LCN15: variants seen among roughly 807,000 people sequenced by gnomAD.
LCN15 encodes lipocalin-15.
In LCN15, 26 loss-of-function variants were observed where a neutral mutation model predicts 23.1. That is an observed-to-expected ratio of 1.13 (90% CI 0.82 to 1.56). The LOEUF is 1.56. Among genes scored for constraint, LCN15 ranks in the 40% most tolerant of loss-of-function variants. The pLI, the probability that LCN15 is intolerant of heterozygous loss-of-function variation, is 0.00. For synonymous variants in LCN15, 107 were observed against 98.3 expected (o/e 1.09, Z -0.52); for missense variants, 241 against 239.5 (o/e 1.01, Z -0.04).
rs767465971 is a variant in LCN15 at position 136,763,670 on chromosome 9, AG to A, written c.307+42del. 26 of 1,600,166 alleles carry A rather than the reference AG, an allele frequency of 1.6e-5. No homozygotes were observed. In the East Asian group the frequency reaches 5.6e-4, roughly 34 times the overall value. On this transcript the variant is annotated intron_variant, in intron 3 of 6. Coordinates refer to ENST00000316144, the MANE Select transcript of LCN15 (RefSeq NM_203347.2). The stretch of plus-strand genomic sequence containing the variant: ...GTCAGCCCCACGTCACCCCCAGAGA[AG>A]CGGCATCCAGCACCCCTGAAGGCAG...
rs1847316719 is a variant in LCN15, at chr9:136,761,538, G to C, written c.*32+249C>G. Reference sequence around the variant, plus strand: ...GGCCTCCCAAAGTGCTGGGATGATAGGCATGAGCCACTGCACCCGGCCAAA... The same window carrying C: ...GGCCTCCCAAAGTGCTGGGATGATACGCATGAGCCACTGCACCCGGCCAAA... On this transcript the variant is annotated intron_variant, in intron 6 of 6. Coordinates refer to ENST00000316144, the MANE Select transcript of LCN15 (RefSeq NM_203347.2). The surrounding 1 kb of genome is among the most constrained non-coding windows in gnomAD (Gnocchi z 4.2). Among the ~76,000 whole-genome samples the C allele has an allele frequency of 6.6e-6, 1 of 152,218 alleles. No individual in the cohort carries two copies. The highest frequency in any genetic ancestry group is 6.5e-5 in the Admixed American group (1 of 15,280).
At chr9:136,764,358 C>T (rs1249040576) in intron 1 of LCN15, 35 bp downstream of exon 1, 1 of 1,574,776 alleles carries the variant, frequency 6.4e-7, no homozygotes, top group Non-Finnish European at 8.7e-7. Context: ...GGGCCCAGCT[C>T]CCACCCACCA....
chr9:136,761,846 G>T lies in LCN15; in HGVS notation c.528C>A (p.Cys176Ter). 1.5e-6 allele frequency: 2 copies of T among 1,324,866 alleles called. No homozygotes were observed. The allele number at this position is 1,324,866 out of a possible 1,614,324, so 82.1% of individuals were successfully genotyped here. A position where few individuals can be genotyped will look rare whatever the true frequency, so the allele number is the denominator to read the frequency against. The change falls in exon 6 of 7, where the codon TGC becomes TGA. Residue 176 changes from cysteine (C) to a stop codon, truncating the protein, a stop_gained. Transcript: ENST00000316144. LOFTEE classifies it high-confidence loss of function. This position sits in a 1 kb window ranked among gnomAD's most constrained non-coding sequence, Gnocchi z 4.2. ...AGGGCGCCTCCTTGCTCTCAGGGTTGCATGCATCTGTGGGGAGGAAGACAT... is the reference window on the plus strand; with the variant it reads ...AGGGCGCCTCCTTGCTCTCAGGGTTTCATGCATCTGTGGGGAGGAAGACAT... The part of the protein sequence containing the change: ...MMVMLPQSDA[C>*]NPESKEAP
At chr9:136,760,862 G>A (rs1184827361) in intron 6 of LCN15, among the ~76,000 whole-genome samples, 1 of 152,232 alleles carries the variant, frequency 6.6e-6, no homozygotes, top group Non-Finnish European at 1.5e-5. Context: ...AGGCCCACCT[G>A]GAACCTCCGA....
intron 3 of LCN15, 120 bp from the exon 4 acceptor site, chr9:136,763,587 CG>C (rs1205150503): frequency 2.1e-6 from 2 of 937,146 alleles, no homozygotes; most frequent in Non-Finnish European, 3.0e-6. Flanking sequence ...AGAGGAGGGG[CG>C]GGGAGGGCGG....
rs2131098578 is a variant in LCN15 at position 136,761,323 on chromosome 9, C to T, written c.*32+464G>A. On this transcript the variant is annotated intron_variant, in intron 6 of 6. Transcript: ENST00000316144. The surrounding 1 kb of genome is among the most constrained non-coding windows in gnomAD (Gnocchi z 4.2). ...TCACCCAGGCTGGACTGTAATGGTG[C>T]AATCTCGGCTCACCGCAACCTCCGC... is the stretch of plus-strand genomic sequence containing the variant. Among the ~76,000 whole-genome samples the T allele has an allele frequency of 6.6e-6, 1 of 152,306 alleles. No individual in the cohort carries two copies. The highest frequency in any genetic ancestry group is 2.1e-4 in the South Asian group (1 of 4,826).
At chr9:136,763,227 A>C (rs1270090529) in intron 4 of LCN15, 130 bp downstream of exon 4, 2 of 373,752 alleles carry the variant, frequency 5.4e-6, no homozygotes, top group African/African-American at 8.3e-5. Flanking sequence ...CGGGGGGCGG[A>C]GGGGTGAGGG....
At chr9:136,762,416 G>A (rs1847330213) in intron 4 of LCN15, 127 bp from the exon 5 acceptor site, 7 of 652,398 alleles carry the variant, frequency 1.1e-5, no homozygotes, top group Admixed American at 3.0e-5. Context: ...CAGGTTGTGC[G>A]CGGCATAAAG....
intron 4 of LCN15, 112 bp downstream of exon 4, chr9:136,763,245 T>G: frequency 1.1e-5 from 6 of 535,810 alleles, no homozygotes; most frequent in Non-Finnish European, 1.9e-5. Flanking sequence ...GGGCGGGGCC[T>G]GTGAGGAGGC....
chr9:136,762,205 A>G lies in LCN15; in HGVS notation c.503T>C (p.Val168Ala). The G allele has an allele frequency of 6.3e-7, 1 of 1,592,792 alleles. No homozygotes were observed. Among genetic ancestry groups the G allele is most frequent in the Non-Finnish European group, 8.5e-7 (1 of 1,170,472 alleles). ...PTLGLPKDMM[V>A]MLPQSDACNP... The stretch of plus-strand genomic sequence containing the variant: ...CAGGGTACCTGACTGGGGCAGCATG[A>G]CCATCATGTCCTTGGGGAGCCCCAG... The change falls in exon 5 of 7, where the codon GTC becomes GCC. Residue 168 changes from valine to alanine, a missense_variant. Coordinates refer to ENST00000316144, the MANE Select transcript of LCN15 (RefSeq NM_203347.2).
rs572666789 is a variant in LCN15 at position 136,761,857 on chromosome 9, T to C, written c.521-4A>G. On this transcript the variant is annotated splice_region_variant and splice_polypyrimidine_tract_variant and intron_variant, in intron 5 of 6. Coordinates refer to ENST00000316144, the MANE Select transcript of LCN15 (RefSeq NM_203347.2). The surrounding 1 kb of genome is among the most constrained non-coding windows in gnomAD (Gnocchi z 4.2). ...TTGCTCTCAGGGTTGCATGCATCTG[T>C]GGGGAGGAAGACATCCGTGAGATGC... 8.7e-5 allele frequency: 116 copies of C among 1,333,176 alleles called. 1 individual carries two copies. The East Asian group carries it at 3.3e-3, about 37-fold the overall frequency. 82.6% of individuals were successfully genotyped at this position (1,333,176 alleles called of 1,614,324 possible). A position where few individuals can be genotyped will look rare whatever the true frequency, so the allele number is the denominator to read the frequency against.
At chr9:136,762,128 G>A in intron 5 of LCN15, 60 bp downstream of exon 5, 1 of 1,058,154 alleles carries the variant, frequency 9.5e-7, no homozygotes, top group Non-Finnish European at 1.4e-6. Flanking sequence ...GGAAGGGTGG[G>A]CTCATGGGAA....
In LCN15 at chr9:136,761,870, A is replaced by G. The variant is rs1386172151; in HGVS notation, c.521-17T>C. Reference sequence around the variant, plus strand: ...TGCATGCATCTGTGGGGAGGAAGACATCCGTGAGATGCTGACGGCCAGGAC... The same window carrying G: ...TGCATGCATCTGTGGGGAGGAAGACGTCCGTGAGATGCTGACGGCCAGGAC... On this transcript the variant is annotated splice_polypyrimidine_tract_variant and intron_variant, in intron 5 of 6. Transcript: ENST00000316144. This position sits in a 1 kb window ranked among gnomAD's most constrained non-coding sequence, Gnocchi z 4.2. 6.0e-5 allele frequency: 80 copies of G among 1,335,540 alleles called. No homozygotes were observed. The highest frequency in any genetic ancestry group is 7.6e-5 in the Non-Finnish European group (79 of 1,042,112). The allele number at this position is 1,335,540 out of a possible 1,614,324, so 82.7% of individuals were successfully genotyped here.
intron 4 of LCN15, among the ~76,000 whole-genome samples, chr9:136,762,577 G>A (rs531895371): frequency 2.0e-3 from 302 of 152,180 alleles, no homozygotes; most frequent in African/African-American, 7.1e-3. Context: ...TCACTCTGTC[G>A]GCTCCAATCG....
At chr9:136,760,090 G>A (rs1374922637) in intron 6 of LCN15, among the ~76,000 whole-genome samples, 1 of 152,218 alleles carries the variant, frequency 6.6e-6, no homozygotes, top group Non-Finnish European at 1.5e-5. Flanking sequence ...CCTGGTCCTC[G>A]GTGAAGGGGG....
At chr9:136,763,618 G>T in intron 3 of LCN15, 95 bp downstream of exon 3, 1 of 1,429,850 alleles carries the variant, frequency 7.0e-7, no homozygotes. Flanking sequence ...TGGAGACTGG[G>T]ATGGACAGCT....
At chr9:136,763,301 G>A in intron 4 of LCN15, 56 bp downstream of exon 4, 1 of 1,000,814 alleles carries the variant, frequency 1.0e-6, no homozygotes, top group Non-Finnish European at 1.4e-6. Context: ...AACGGGGGGC[G>A]GGGCCTGTGG....
chr9:136,761,670 A>G lies in LCN15; in HGVS notation c.*32+117T>C, dbSNP rs1334475833. The G allele has an allele frequency of 2.3e-6, 1 of 441,364 alleles. No individual in the cohort carries two copies. The highest frequency in any genetic ancestry group is 4.4e-5 in the Admixed American group (1 of 22,798). 27.3% of individuals were successfully genotyped at this position (441,364 alleles called of 1,614,324 possible). On this transcript the variant is annotated intron_variant, in intron 6 of 6. Coordinates refer to ENST00000316144, the MANE Select transcript of LCN15 (RefSeq NM_203347.2). The surrounding 1 kb of genome is among the most constrained non-coding windows in gnomAD (Gnocchi z 4.2). ...TAATGTCTAAGCTGAGGCCTGAAGC[A>G]TGGGGTCGCCAGGCAGAACAGCGGG...
In LCN15 at chr9:136,761,952, C is replaced by T. The variant is rs988615616; in HGVS notation, c.521-99G>A. On this transcript the variant is annotated intron_variant, in intron 5 of 6. Coordinates refer to ENST00000316144, the MANE Select transcript of LCN15 (RefSeq NM_203347.2). This position sits in a 1 kb window ranked among gnomAD's most constrained non-coding sequence, Gnocchi z 4.2. ...GGTGCCAAGGGCCACTGGACAGCTC[C>T]ACCATCCCCAGAGAGTGGAGCCCAG... 1.9e-5 allele frequency: 19 copies of T among 996,700 alleles called. No homozygotes were observed. The African/African-American group carries it at 2.0e-4, about 11-fold the overall frequency. The allele number at this position is 996,700 out of a possible 1,614,324, so 61.7% of individuals were successfully genotyped here.
Sources: gnomAD v4.1 joint callset for allele counts (sites outside exome capture counted in the v4.1 genomes callset) on GRCh38, gnomAD v4.1.1 for gene constraint, Gnocchi (gnomAD v3.1) non-coding constraint, MANE v1.5 for transcripts, NCBI Gene and HGNC (gene_info 2026-07-23, HGNC 2026-07-21) for gene names.